The following RIMS2 variants were observed in gnomAD, a reference collection of about 807,000 sequenced individuals.
The protein encoded by RIMS2 is regulating synaptic membrane exocytosis 2.
A neutral mutation model predicts 174.4 loss-of-function variants in RIMS2; 59 were observed. The observed-to-expected ratio is 0.34, with a 90% CI of 0.27 to 0.42. The LOEUF is 0.42. Ranked by LOEUF, RIMS2 falls within the 10% of genes least tolerant of loss-of-function variation. The pLI is 1.00. For synonymous variants in RIMS2, 606 were observed against 572.5 expected, an observed-to-expected ratio of 1.06 and a Z score of -0.84; for missense variants, 1,620 against 1,666.3, an observed-to-expected ratio of 0.97 and a Z score of 0.48.
chr8:104,081,032 G>A (rs541435220), intron 19 of RIMS2, among the ~76,000 whole-genome samples: 3 of 152,062 alleles, frequency 2.0e-5, no homozygotes, highest in Non-Finnish European at 4.4e-5. Context: ...TAACATGGGA[G>A]GTAGGAGTAA....
chr8:103,944,499 A>G (rs774098790), intron 14 of RIMS2, among the ~76,000 whole-genome samples: 1 of 151,994 alleles, frequency 6.6e-6, no homozygotes, highest in Non-Finnish European at 1.5e-5. Flanking sequence ...TTTTATTGCA[A>G]TAGGTAATAG....
Position 104,087,320 on chromosome 8 carries a change from T to C in RIMS2, c.3334+72705T>C, listed in dbSNP as rs538291172. On this transcript the variant is annotated intron_variant, in intron 19 of 23. Coordinates refer to ENST00000504942, the Ensembl canonical transcript of RIMS2. The stretch of plus-strand genomic sequence containing the variant: ...GTCATTATCCTCTGGGAGTTTATAA[T>C]CTAGTGGGGTGGGTACATTACAAAT... 5.9e-5 allele frequency among the ~76,000 whole-genome samples: 9 copies of C among 152,198 alleles called. No individual in the cohort carries two copies. The East Asian group carries it at 1.3e-3, about 23-fold the overall frequency.
At chr8:104,094,449 A>G in intron 19 of RIMS2, 2 of 604,214 alleles carry the variant, frequency 3.3e-6, no homozygotes, top group Non-Finnish European at 5.9e-6. Flanking sequence ...GTTTATTTGC[A>G]TGCCTTCAAT....
intron 1 of RIMS2, among the ~76,000 whole-genome samples, chr8:103,576,658 T>A (rs1402491296): frequency 1.3e-5 from 2 of 152,236 alleles, no homozygotes; most frequent in Non-Finnish European, 2.9e-5. Context: ...GGCATCATGC[T>A]ACCTGACTTC....
At chr8:103,717,277 AG>A (rs1432073235) in intron 2 of RIMS2, among the ~76,000 whole-genome samples, 1 of 150,028 alleles carries the variant, frequency 6.7e-6, no homozygotes, top group Non-Finnish European at 1.5e-5. Context: ...AGTAGAAAAA[AG>A]GTTACTGCAA....
chr8:103,628,756 A>T (rs1190483454), intron 1 of RIMS2, among the ~76,000 whole-genome samples: 1 of 24,998 alleles, frequency 4.0e-5, no homozygotes. Flanking sequence ...ACCCATATTA[A>T]AAAAAAAAAA....
chr8:103,712,742 C>T (rs1455029316), intron 2 of RIMS2, among the ~76,000 whole-genome samples: 1 of 152,136 alleles, frequency 6.6e-6, no homozygotes, highest in Non-Finnish European at 1.5e-5. Context: ...AAATGGAAAG[C>T]AGGCAAGACA....
chr8:104,078,926 A>T (rs2097352579), intron 19 of RIMS2, among the ~76,000 whole-genome samples: 1 of 152,062 alleles, frequency 6.6e-6, no homozygotes, highest in African/African-American at 2.4e-5. Context: ...ACATTTAAAT[A>T]TGACTCGCGT....
chr8:103,579,906 G>C (rs35083734), intron 1 of RIMS2, among the ~76,000 whole-genome samples: 122 of 152,328 alleles, frequency 8.0e-4, no homozygotes, highest in Non-Finnish European at 1.5e-3. Flanking sequence ...GCAGGAGACA[G>C]AGAGAGTGAA....
chr8:103,506,224 A>G (rs1342663905), intron 1 of RIMS2, among the ~76,000 whole-genome samples: 1 of 151,966 alleles, frequency 6.6e-6, no homozygotes, highest in Non-Finnish European at 1.5e-5. Flanking sequence ...AAATTGACTT[A>G]TATTTTATGA....
intron 19 of RIMS2, among the ~76,000 whole-genome samples, chr8:104,084,541 T>A (rs1325075395): frequency 6.6e-6 from 1 of 150,998 alleles, no homozygotes; most frequent in African/African-American, 2.4e-5. Context: ...AATAAACCAA[T>A]CTAGCATCAA....
At chr8:104,068,231 C>G (rs1445336393) in intron 19 of RIMS2, among the ~76,000 whole-genome samples, 1 of 152,072 alleles carries the variant, frequency 6.6e-6, no homozygotes, top group Non-Finnish European at 1.5e-5. Context: ...ATACACATAC[C>G]AGAAATTGTT....
rs374460527 is a variant in RIMS2 at position 103,899,732 on chromosome 8, T to C, written c.1625-10402T>C. On this transcript the variant is annotated intron_variant, in intron 4 of 23. Coordinates refer to ENST00000504942, the Ensembl canonical transcript of RIMS2. ...GAAGCTCTTTAGTTTAATTAGATCC[T>C]ATTTGTCAATTTTGGCTTTTGTTGC... is the stretch of plus-strand genomic sequence containing the variant. Among the ~76,000 whole-genome samples, 26 of 148,836 alleles carry C rather than the reference T, an allele frequency of 1.7e-4. 2 individuals are homozygous for C. Among genetic ancestry groups the C allele is most frequent in the African/African-American group, 5.3e-4 (21 of 39,614 alleles).
At chr8:103,904,965 T>C (rs1013756051) in intron 4 of RIMS2, among the ~76,000 whole-genome samples, 7 of 152,180 alleles carry the variant, frequency 4.6e-5, no homozygotes, top group African/African-American at 1.7e-4. Flanking sequence ...ACACAACTTA[T>C]CACCTTGTAT....
intron 19 of RIMS2, among the ~76,000 whole-genome samples, chr8:104,089,360 T>C (rs1278311895): frequency 6.6e-6 from 1 of 151,940 alleles, no homozygotes; most frequent in Non-Finnish European, 1.5e-5. Context: ...ATATAACTTT[T>C]GTTTATCATA....
At chr8:104,144,798 A>G (rs865789832) in intron 19 of RIMS2, among the ~76,000 whole-genome samples, 17 of 152,194 alleles carry the variant, frequency 1.1e-4, no homozygotes, top group Middle Eastern at 6.8e-3. Context: ...AGGCTTCTCA[A>G]ATTACTTAGT....
intron 19 of RIMS2, among the ~76,000 whole-genome samples, chr8:104,077,857 T>A (rs1390372927): frequency 6.6e-6 from 1 of 151,238 alleles, no homozygotes; most frequent in Non-Finnish European, 1.5e-5. Flanking sequence ...AAAAACTTGG[T>A]GGTGGCCGGG....
chr8:103,642,965 A>G (rs1449972568), intron 1 of RIMS2, among the ~76,000 whole-genome samples: 1 of 151,936 alleles, frequency 6.6e-6, no homozygotes, highest in Admixed American at 6.6e-5. Context: ...CATTAATTTT[A>G]GAAAATTTTC....
intron 3 of RIMS2, chr8:103,768,659 C>G (rs1012111607): frequency 3.6e-6 from 3 of 823,040 alleles, no homozygotes; most frequent in Non-Finnish European, 4.3e-6. Context: ...TTGACTGATA[C>G]TACGATGCCT....
Sources: allele counts gnomAD v4.1 joint callset (sites outside exome capture counted in the v4.1 genomes callset), GRCh38; gene constraint gnomAD v4.1.1; transcripts MANE v1.5; gene names NCBI Gene and HGNC (gene_info 2026-07-23, HGNC 2026-07-21).